The following NIBAN2 variants were observed in gnomAD, a reference collection of about 807,000 sequenced individuals.
The protein encoded by NIBAN2 is protein Niban 2.
Under a neutral mutation model 81.8 loss-of-function variants are expected in NIBAN2, and 36 were observed. The ratio of observed to expected loss-of-function variants is 0.44; its 90% CI spans 0.34 to 0.58. The LOEUF (loss-of-function observed/expected upper bound fraction) is 0.58, where lower values mean the gene tolerates loss of function less well. Among genes scored for constraint, NIBAN2 ranks in the 20% least tolerant of loss-of-function variants. The probability of loss-of-function intolerance (pLI) is 0.02; values close to 1 mark genes in which losing one functional copy is unlikely to be tolerated. For synonymous variants in NIBAN2, 445 were observed against 441.6 expected, an observed-to-expected ratio of 1.01 and a Z score of -0.10; for missense variants, 897 against 1,014.1, an observed-to-expected ratio of 0.88 and a Z score of 1.57.
intron 1 of NIBAN2, among the ~76,000 whole-genome samples, chr9:127,552,515 T>G (rs930153660): frequency 2.6e-5 from 4 of 152,020 alleles, no homozygotes; most frequent in African/African-American, 9.7e-5. Context: ...AGATTGAGGC[T>G]GCAATTGGCC....
At chr9:127,552,832 G>C (rs568385804) in intron 1 of NIBAN2, among the ~76,000 whole-genome samples, 99 of 151,892 alleles carry the variant, frequency 6.5e-4, no homozygotes, top group Non-Finnish European at 1.0e-3. Context: ...GAGATTACAG[G>C]TGTCCACCAC....
At chr9:127,526,676 G>C (rs1183080176) in intron 3 of NIBAN2, among the ~76,000 whole-genome samples, 2 of 152,142 alleles carry the variant, frequency 1.3e-5, no homozygotes, top group Non-Finnish European at 1.5e-5. Flanking sequence ...GCTCAACCAG[G>C]TGGGGCTTCC....
chr9:127,568,908 G>A lies in NIBAN2; in HGVS notation c.-34C>T. ...GGTGTCGCGGCCCGATCCGGCCGAC[G>A]CCGCCGCTGTTGCCCGCGCTGCTCA... On this transcript the variant is annotated 5_prime_UTR_variant, in exon 1 of 14. Transcript: ENST00000373312. The A allele has an allele frequency of 1.6e-6, 2 of 1,255,000 alleles. No homozygotes were observed. The highest frequency in any genetic ancestry group is 2.6e-5 in the South Asian group (1 of 38,824). The allele number at this position is 1,255,000 out of a possible 1,614,324, so 77.7% of individuals were successfully genotyped here.
At position 127,507,362 on chromosome 9, in the gene NIBAN2, T is replaced by G. The variant is rs766314238; in HGVS notation, c.1724A>C (p.Asp575Ala). ...CTCGGCCAGCAGGTGCAGGTTGGGG[T>G]CGCTGTTGTGCATGACCATGCTGTC... ...YRDSMVMHNS[D>A]PNLHLLAEGA... Residue 575 changes from aspartate to alanine, a missense_variant, in exon 14 of 14, where the codon GAC (aspartate) becomes GCC (alanine). By Grantham distance (126) the Asp-to-Ala change is moderately radical. Around this residue, in one of 3 missense-constraint regions of NIBAN2, gnomAD observed 619 missense variants for 691.0 expected, o/e 0.90. Transcript: ENST00000373312. This position sits in a 1 kb window ranked among gnomAD's most constrained non-coding sequence, Gnocchi z 6.8. 1 of 1,537,690 alleles carries G rather than the reference T, an allele frequency of 6.5e-7. No individual in the cohort carries two copies. The highest frequency in any genetic ancestry group is 8.8e-7 in the Non-Finnish European group (1 of 1,140,764).
intron 1 of NIBAN2, among the ~76,000 whole-genome samples, chr9:127,555,614 A>G (rs1479603349): frequency 6.6e-6 from 1 of 152,132 alleles, no homozygotes; most frequent in Non-Finnish European, 1.5e-5. Flanking sequence ...CACCTCTAAG[A>G]TGGGTGACGA....
intron 1 of NIBAN2, among the ~76,000 whole-genome samples, chr9:127,533,349 C>G (rs147489608): frequency 2.0e-5 from 3 of 152,108 alleles, no homozygotes; most frequent in African/African-American, 7.2e-5. Context: ...CCCAGCTACT[C>G]GGGAGGCTGA....
rs746349153 is a variant in NIBAN2 at position 127,568,924 on chromosome 9, G to A, written c.-50C>T. On this transcript the variant is annotated 5_prime_UTR_variant, in exon 1 of 14. Coordinates refer to ENST00000373312, the MANE Select transcript of NIBAN2 (RefSeq NM_022833.4). ...CCGGCCGACGCCGCCGCTGTTGCCC[G>A]CGCTGCTCAGGCGGACGCCGCTGGC... 3.6e-5 allele frequency: 44 copies of A among 1,230,930 alleles called. No homozygotes were observed. The African/African-American group carries it at 5.4e-4, about 15-fold the overall frequency. The allele number at this position is 1,230,930 out of a possible 1,614,324, so 76.3% of individuals were successfully genotyped here. A position where few individuals can be genotyped will look rare whatever the true frequency, so the allele number is the denominator to read the frequency against.
chr9:127,517,709 A>C lies in NIBAN2; in HGVS notation c.705+117T>G. 1 of 712,936 alleles carries C rather than the reference A, an allele frequency of 1.4e-6. No homozygotes were observed. The highest frequency in any genetic ancestry group is 2.5e-6 in the Non-Finnish European group (1 of 407,596). 44.2% of individuals were successfully genotyped at this position (712,936 alleles called of 1,614,324 possible). ...GCACTTGTCCAAATCTAAGCATGTC[A>C]TCTCCTTCCAAACCGGCAGCGCCCC... On this transcript the variant is annotated intron_variant, in intron 6 of 13. Transcript: ENST00000373312. The surrounding 1 kb of genome is among the most constrained non-coding windows in gnomAD (Gnocchi z 4.0).
chr9:127,562,919 T>C (rs1404277104), intron 1 of NIBAN2, among the ~76,000 whole-genome samples: 2 of 152,088 alleles, frequency 1.3e-5, no homozygotes, highest in Non-Finnish European at 2.9e-5. Context: ...CTATAGATCA[T>C]GTAGTGAAAG....
In NIBAN2 at chr9:127,507,915, T is replaced by C. The variant is rs1319164490; in HGVS notation, c.1606A>G (p.Thr536Ala). ...GTCTGCAGCACCACCTCCTCGTACG[T>C]GTTTTCCACCAGGATGAACCTGGCA... ...DFARFILVEN[T>A]YEEVVLQTVM... Residue 536 changes from threonine (T) to alanine (A), a missense_variant, in exon 13 of 14, where the codon ACG becomes GCG. Thr to Ala is a moderately conservative substitution (Grantham distance 58). This residue lies in a region of NIBAN2 where 619 missense variants were observed against 691.0 expected (regional missense o/e 0.90). Transcript: ENST00000373312. This position sits in a 1 kb window ranked among gnomAD's most constrained non-coding sequence, Gnocchi z 6.8. 2 of 1,614,090 alleles carry C rather than the reference T, an allele frequency of 1.2e-6. No individual in the cohort carries two copies. Among genetic ancestry groups the C allele is most frequent in the Non-Finnish European group, 1.7e-6 (2 of 1,179,998 alleles).
chr9:127,575,411 A>G (rs1475061466), intron 1 of NIBAN2, among the ~76,000 whole-genome samples: 1 of 151,708 alleles, frequency 6.6e-6, no homozygotes, highest in East Asian at 1.9e-4. Context: ...TATTTTTAGT[A>G]GAGACGGGGT....
chr9:127,511,299 C>A (rs996169611), intron 8 of NIBAN2, among the ~76,000 whole-genome samples: 1 of 152,078 alleles, frequency 6.6e-6, no homozygotes, highest in African/African-American at 2.4e-5. Context: ...CCGCCCACCT[C>A]GGCCTCCCAA....
upstream of NIBAN2, among the ~76,000 whole-genome samples, chr9:127,573,992 G>A (rs1439320622): frequency 6.6e-6 from 1 of 152,086 alleles, no homozygotes; most frequent in Non-Finnish European, 1.5e-5. Context: ...TATATCCTCT[G>A]CCTGCTTTTC....
intron 1 of NIBAN2, among the ~76,000 whole-genome samples, chr9:127,575,526 C>CTTTTTTTTT (rs60340873): frequency 2.0e-4 from 25 of 122,314 alleles, no homozygotes; most frequent in African/African-American, 4.8e-4. Flanking sequence ...GTGCTGGGCC[C>CTTTTTTTTT]TTTTTTTTTT....
chr9:127,578,542 A>G (rs1324386446), intron 1 of NIBAN2, among the ~76,000 whole-genome samples: 2 of 151,404 alleles, frequency 1.3e-5, no homozygotes, highest in Non-Finnish European at 2.9e-5. Context: ...GGGCCCTGTC[A>G]TCCCAGCTAC....
chr9:127,554,548 C>CTTTCT (rs1837632346), intron 1 of NIBAN2, among the ~76,000 whole-genome samples: 1 of 103,706 alleles, frequency 9.6e-6, no homozygotes, highest in Non-Finnish European at 1.8e-5. Context: ...TTTTCTTTTT[C>CTTTCT]TTTTTTTTTT....
chr9:127,517,814 G>C lies in NIBAN2; in HGVS notation c.705+12C>G. ...ACTTCTGAGGTTTCCTCACCAGCCCGTCTGGCCTCACCTGCACCTCGTTCC... is the reference window on the plus strand; with the variant it reads ...ACTTCTGAGGTTTCCTCACCAGCCCCTCTGGCCTCACCTGCACCTCGTTCC... On this transcript the variant is annotated intron_variant, in intron 6 of 13. Coordinates refer to ENST00000373312, the MANE Select transcript of NIBAN2 (RefSeq NM_022833.4). The surrounding 1 kb of genome is among the most constrained non-coding windows in gnomAD (Gnocchi z 4.0). The C allele has an allele frequency of 1.9e-6, 3 of 1,603,014 alleles. No homozygotes were observed. In the South Asian group the frequency reaches 3.3e-5, roughly 18 times the overall value.
rs144358140 is a variant in NIBAN2 at position 127,515,380 on chromosome 9, G to A, written c.973+1477C>T. ...CTAAAAAATACAAAAAATTAGGTAGGCATGGTGGCGGGCGCCTGTAGTCCC... is the reference window on the plus strand; with the variant it reads ...CTAAAAAATACAAAAAATTAGGTAGACATGGTGGCGGGCGCCTGTAGTCCC... On this transcript the variant is annotated intron_variant, in intron 8 of 13. Coordinates refer to ENST00000373312, the MANE Select transcript of NIBAN2 (RefSeq NM_022833.4). 7.2e-3 allele frequency among the ~76,000 whole-genome samples: 1,089 copies of A among 152,222 alleles called. 9 individuals are homozygous for A. Among genetic ancestry groups the A allele is most frequent in the African/African-American group, 0.025 (1,032 of 41,544 alleles).
Position 127,507,194 on chromosome 9 carries a change from ACCT to A in NIBAN2, c.1889_1891del (p.Glu630del). 6.2e-7 allele frequency: 1 copy of A among 1,612,134 alleles called. No homozygotes were observed. The highest frequency in any genetic ancestry group is 1.1e-5 in the South Asian group (1 of 90,976). On this transcript the variant is annotated inframe_deletion, in exon 14 of 14. Transcript: ENST00000373312. The surrounding 1 kb of genome is among the most constrained non-coding windows in gnomAD (Gnocchi z 6.8). ...AGGGCTAGCCTCAAAGGGCAGCCCC[ACCT>A]CCTCATCCTGGACCACAGAGACCAC...
Sources: gnomAD v4.1 joint callset for allele counts (sites outside exome capture counted in the v4.1 genomes callset) on GRCh38, gnomAD v4.1.1 for gene constraint, gnomAD v4.1.1 regional missense constraint, Gnocchi (gnomAD v3.1) non-coding constraint, MANE v1.5 for transcripts, NCBI Gene and HGNC (gene_info 2026-07-23, HGNC 2026-07-21) for gene names.